CD99L2: variants seen among roughly 807,000 people sequenced by gnomAD.
CD99L2 encodes the protein CD99 molecule like 2, also known as CD99 antigen-like protein 2.
In CD99L2, 24 loss-of-function variants were observed where a neutral mutation model predicts 27.3. That is an observed-to-expected ratio of 0.88 (90% CI 0.64 to 1.24). The LOEUF is 1.24. Among genes scored for constraint, CD99L2 ranks in the 50% most tolerant of loss-of-function variants. The pLI, the probability that CD99L2 is intolerant of heterozygous loss-of-function variation, is 0.00. For synonymous variants in CD99L2, 97 were observed against 87.9 expected, an observed-to-expected ratio of 1.10 and a Z score of -0.58; for missense variants, 255 against 221.6, an observed-to-expected ratio of 1.15 and a Z score of -0.96.
intron 1 of CD99L2, among the ~76,000 whole-genome samples, chrX:150,840,689 T>C (rs1270987732): frequency 1.8e-5 from 2 of 112,444 alleles, no homozygotes; most frequent in African/African-American, 6.5e-5. Flanking sequence ...ATTACAGGCA[T>C]GAGCCACTGC....
intron 8 of CD99L2, 37 bp from the exon 9 acceptor site, chrX:150,776,330 G>A: frequency 8.6e-7 from 1 of 1,165,799 alleles, no homozygotes; most frequent in Non-Finnish European, 1.1e-6. Context: ...GACAGGTGAG[G>A]TCAGAGACAA....
intron 10 of CD99L2, among the ~76,000 whole-genome samples, chrX:150,770,015 G>A (rs1265639625): frequency 1.8e-5 from 2 of 113,050 alleles, no homozygotes; most frequent in Non-Finnish European, 1.9e-5. Context: ...CGCTGATGGG[G>A]AGCAGAGGTG....
intron 1 of CD99L2, among the ~76,000 whole-genome samples, chrX:150,852,530 A>G (rs1161867460): frequency 2.7e-5 from 3 of 110,308 alleles, no homozygotes; most frequent in African/African-American, 9.9e-5. Flanking sequence ...TATATTCACA[A>G]TGTTGTGTAA....
At chrX:150,771,683 C>T (rs1344801114) in intron 9 of CD99L2, 11 of 809,101 alleles carry the variant, frequency 1.4e-5, no homozygotes, top group Non-Finnish European at 2.0e-5. Flanking sequence ...GTTACAGCCA[C>T]GTCGGTGAGT....
chrX:150,855,867 T>C (rs2046877374), intron 1 of CD99L2, among the ~76,000 whole-genome samples: 1 of 112,058 alleles, frequency 8.9e-6, no homozygotes, highest in East Asian at 2.8e-4. Context: ...CTCTGAATTC[T>C]AGGCTCCAGA....
In CD99L2 at chrX:150,838,898, TAA is replaced by T. The variant is rs1161488139; in HGVS notation, c.68-7607_68-7606del. ...ATAGGAATACGTATAATCATATCAG[TAA>T]AAAAAAAAAAAAAAAAATGGGGGGG... On this transcript the variant is annotated intron_variant, in intron 1 of 10. Transcript: ENST00000370377. Among the ~76,000 whole-genome samples the T allele has an allele frequency of 1.4e-3, 32 of 23,575 alleles. 1 individual carries two copies. In the East Asian group the frequency reaches 0.028, roughly 21 times the overall value. 20.5% of individuals were successfully genotyped at this position (23,575 alleles called of 115,157 possible).
chrX:150,826,266 C>T (rs2046365737), intron 2 of CD99L2, among the ~76,000 whole-genome samples: 1 of 111,755 alleles, frequency 8.9e-6, no homozygotes, highest in African/African-American at 3.3e-5. Flanking sequence ...TAGTCAAAGG[C>T]ATTTTGTTAT....
intron 7 of CD99L2, among the ~76,000 whole-genome samples, chrX:150,780,264 A>G (rs1395397321): frequency 8.9e-6 from 1 of 112,008 alleles, no homozygotes; most frequent in Non-Finnish European, 1.9e-5. Flanking sequence ...GAAAAAGGAA[A>G]GAAGACAAGG....
intron 1 of CD99L2, among the ~76,000 whole-genome samples, chrX:150,833,042 G>A (rs1156600206): frequency 1.1e-5 from 1 of 95,221 alleles, no homozygotes; most frequent in Admixed American, 1.2e-4. Context: ...GCGACAGAGC[G>A]AGACTCTGTC....
intron 1 of CD99L2, among the ~76,000 whole-genome samples, chrX:150,837,837 G>C (rs2046556992): frequency 8.9e-6 from 1 of 112,388 alleles, no homozygotes; most frequent in South Asian, 3.7e-4. Context: ...CATTTCTGTA[G>C]CTATCTGTCT....
At chrX:150,868,084 A>AAATAATAAT (rs781930485) in intron 1 of CD99L2, among the ~76,000 whole-genome samples, 231 of 96,467 alleles carry the variant, frequency 2.4e-3, no homozygotes, top group African/African-American at 6.9e-3. Context: ...TCCATCTCAA[A>AAATAATAAT]AATAATAATA....
rs1482001828 is a variant in CD99L2, at chrX:150,766,619, T to G, written c.*2415A>C. On this transcript the variant is annotated 3_prime_UTR_variant, in exon 11 of 11. Transcript: ENST00000370377. The stretch of plus-strand genomic sequence containing the variant: ...TTGTTACAAATTTTCTCTGCCAAAT[T>G]AAGCTGATAGAGATTGGCCACTTTC... 8.9e-6 allele frequency: 1 copy of G among 111,942 alleles called. No homozygotes were observed. Among genetic ancestry groups the G allele is most frequent in the African/African-American group, 3.3e-5 (1 of 30,681 alleles). 9.2% of individuals were successfully genotyped at this position (111,942 alleles called of 1,213,427 possible). A position where few individuals can be genotyped will look rare whatever the true frequency, so the allele number is the denominator to read the frequency against.
At chrX:150,777,322 G>A (rs781832856) in intron 8 of CD99L2, 122 bp downstream of exon 8, 2 of 826,586 alleles carry the variant, frequency 2.4e-6, no homozygotes, top group African/African-American at 4.1e-5. Context: ...GAGTAGAATG[G>A]GAGGCACGTT....
chrX:150,809,669 A>G (rs1181436847), intron 4 of CD99L2, among the ~76,000 whole-genome samples: 1 of 111,899 alleles, frequency 8.9e-6, no homozygotes, highest in African/African-American at 3.2e-5. Flanking sequence ...AGATCCATTC[A>G]TAAGATAAAA....
At chrX:150,888,051 C>G (rs889616322) in intron 1 of CD99L2, among the ~76,000 whole-genome samples, 1 of 106,442 alleles carries the variant, frequency 9.4e-6, no homozygotes, top group Admixed American at 1.0e-4. Context: ...GACACTCTTC[C>G]CTTAAGAGGT....
chrX:150,897,863 C>T (rs7881049), intron 1 of CD99L2, among the ~76,000 whole-genome samples: 3 of 110,944 alleles, frequency 2.7e-5, no homozygotes, highest in African/African-American at 6.6e-5. Flanking sequence ...GCAGTTCTTA[C>T]AAGCTCCCAG....
chrX:150,898,426 G>A (rs2047653973), intron 1 of CD99L2, 96 bp downstream of exon 1: 3 of 701,503 alleles, frequency 4.3e-6, no homozygotes, highest in Admixed American at 6.3e-5. Context: ...CCGCAGGCCC[G>A]AGAGGCGGGG....
At chrX:150,885,151 T>C (rs887296520) in intron 1 of CD99L2, among the ~76,000 whole-genome samples, 1 of 111,478 alleles carries the variant, frequency 9.0e-6, no homozygotes, top group African/African-American at 3.3e-5. Context: ...TGTCTACCTC[T>C]ACAGGGAGGG....
chrX:150,876,182 A>G (rs1232366131), intron 1 of CD99L2, among the ~76,000 whole-genome samples: 2 of 112,161 alleles, frequency 1.8e-5, no homozygotes, highest in African/African-American at 6.5e-5. Flanking sequence ...ATTTTTCAGA[A>G]TGCTTTTGTG....
Sources: gnomAD v4.1 joint callset for allele counts (sites outside exome capture counted in the v4.1 genomes callset) on GRCh38, gnomAD v4.1.1 for gene constraint, MANE v1.5 for transcripts, NCBI Gene and HGNC (gene_info 2026-07-23, HGNC 2026-07-21) for gene names.